The following CHST9 variants were observed in gnomAD, a reference collection of about 807,000 sequenced individuals.
CHST9 encodes the protein carbohydrate sulfotransferase 9, also known as GalNAc-4-sulfotransferase 2.
CHST9 carries 41 observed loss-of-function variants against 44.4 expected under a neutral mutation model. The ratio of observed to expected loss-of-function variants is 0.92; its 90% CI spans 0.72 to 1.20. The LOEUF is 1.20. Ranked by LOEUF, CHST9 falls within the 50% of genes most tolerant of loss-of-function variation. The pLI is 0.00. For missense variants in CHST9, 504 were observed against 516.5 expected (o/e 0.98, Z 0.23); for synonymous variants, 171 against 178.4 (o/e 0.96, Z 0.33).
At chr18:26,959,766 G>T (rs1342115493) in intron 4 of CHST9, among the ~76,000 whole-genome samples, 3 of 152,264 alleles carry the variant, frequency 2.0e-5, no homozygotes, top group South Asian at 2.1e-4. Context: ...GATACTTAAA[G>T]AAATATTTTT....
intron 4 of CHST9, among the ~76,000 whole-genome samples, chr18:26,960,172 G>A (rs1034666258): frequency 1.3e-5 from 2 of 152,154 alleles, no homozygotes; most frequent in East Asian, 3.8e-4. Flanking sequence ...ATAGATATCA[G>A]GAAAATACCA....
intron 4 of CHST9, among the ~76,000 whole-genome samples, chr18:26,951,331 A>G (rs1043026254): frequency 1.3e-5 from 2 of 152,214 alleles, no homozygotes; most frequent in African/African-American, 4.8e-5. Context: ...AATCACCCCG[A>G]ACTGATTAAA....
At chr18:27,088,389 C>CTTTTT (rs35189657) in intron 2 of CHST9, among the ~76,000 whole-genome samples, 1 of 137,492 alleles carries the variant, frequency 7.3e-6, no homozygotes, top group Admixed American at 7.4e-5. Context: ...ATTATTAACA[C>CTTTTT]TTTTTTTTTT....
At chr18:27,004,209 C>T (rs1402142308) in intron 4 of CHST9, among the ~76,000 whole-genome samples, 2 of 151,636 alleles carry the variant, frequency 1.3e-5, no homozygotes, top group African/African-American at 2.4e-5. Flanking sequence ...CAAATTACTG[C>T]GAGCAACAGA....
intron 4 of CHST9, among the ~76,000 whole-genome samples, chr18:26,970,610 T>C (rs949880723): frequency 9.2e-5 from 14 of 152,256 alleles, no homozygotes; most frequent in Admixed American, 8.5e-4. Context: ...GTATTTTTTG[T>C]AGAGATGGGG....
At chr18:27,145,496 C>T (rs11661998) in intron 1 of CHST9, among the ~76,000 whole-genome samples, 64,378 of 152,060 alleles carry the variant, frequency 0.42, 14,039 homozygotes, top group East Asian at 0.64. Context: ...AATAGTTATT[C>T]TTCTTTATAT....
chr18:27,081,933 A>C (rs756152969), intron 2 of CHST9, among the ~76,000 whole-genome samples: 2 of 152,172 alleles, frequency 1.3e-5, no homozygotes. Context: ...CTTAATTAAA[A>C]ATATAAACCC....
chr18:27,057,698 G>A (rs527802016), intron 2 of CHST9, among the ~76,000 whole-genome samples: 8 of 152,300 alleles, frequency 5.3e-5, no homozygotes, highest in Admixed American at 1.3e-4. Context: ...GGGCTTCTGA[G>A]GTCGGCCATC....
intron 4 of CHST9, among the ~76,000 whole-genome samples, chr18:26,975,003 G>C (rs2056599782): frequency 6.6e-6 from 1 of 152,194 alleles, no homozygotes; most frequent in Non-Finnish European, 1.5e-5. Context: ...TTTCACAAAT[G>C]AGGAAAGAGA....
chr18:27,177,217 C>T (rs2058875239), intron 1 of CHST9, among the ~76,000 whole-genome samples: 3 of 151,672 alleles, frequency 2.0e-5, no homozygotes, highest in African/African-American at 7.3e-5. Flanking sequence ...CTTGAGAAAT[C>T]GATCTTTTGG....
At chr18:27,127,213 G>A (rs533787679) in intron 2 of CHST9, among the ~76,000 whole-genome samples, 1 of 152,242 alleles carries the variant, frequency 6.6e-6, no homozygotes, top group East Asian at 1.9e-4. Flanking sequence ...TCCAAGTAGA[G>A]TGAGATGAAA....
intron 4 of CHST9, among the ~76,000 whole-genome samples, chr18:26,980,209 G>A (rs2056675050): frequency 6.6e-6 from 1 of 152,050 alleles, no homozygotes; most frequent in African/African-American, 2.4e-5. Flanking sequence ...TTTTGTTATG[G>A]TTATATATTT....
Position 27,163,174 on chromosome 18 carries a change from G to T in CHST9, c.-96-20269C>A, listed in dbSNP as rs556253445. ...TTGCTGCCTGATCGTTCCTCTGGAA[G>T]TTTTGTCTCAGAGGAGTACCTGGCC... On this transcript the variant is annotated intron_variant, in intron 1 of 5. Transcript: ENST00000618847. Among the ~76,000 whole-genome samples the T allele has an allele frequency of 5.8e-3, 889 of 152,294 alleles. 10 individuals carry two copies. The highest frequency in any genetic ancestry group is 6.9e-3 in the Non-Finnish European group (467 of 68,022).
In CHST9 at chr18:27,025,463, A is replaced by T. The variant is rs571811679; in HGVS notation, c.161-1306T>A. Among the ~76,000 whole-genome samples the T allele has an allele frequency of 8.5e-5, 13 of 152,168 alleles. No homozygotes were observed. In the East Asian group the frequency reaches 2.5e-3, roughly 29 times the overall value. On this transcript the variant is annotated intron_variant, in intron 3 of 5. Transcript: ENST00000618847. ...GTACTTGTCTTTTAAGTTATTTTTT[A>T]GCAAATTTCACGTGTGCCAAAAAAT...
At chr18:26,963,534 T>G (rs1398213762) in intron 4 of CHST9, among the ~76,000 whole-genome samples, 1 of 150,566 alleles carries the variant, frequency 6.6e-6, no homozygotes, top group Non-Finnish European at 1.5e-5. Flanking sequence ...CCTAGGGTGC[T>G]GGGCAGCGCA....
chr18:26,963,706 G>C (rs969805316), intron 4 of CHST9, among the ~76,000 whole-genome samples: 3 of 152,128 alleles, frequency 2.0e-5, no homozygotes, highest in Non-Finnish European at 4.4e-5. Context: ...GTGAGACTGG[G>C]TTCCAGGACT....
chr18:27,105,685 C>T (rs1164487368), intron 2 of CHST9, among the ~76,000 whole-genome samples: 3 of 152,110 alleles, frequency 2.0e-5, no homozygotes, highest in Non-Finnish European at 4.4e-5. Flanking sequence ...TTGGCTATTG[C>T]TTTTACTATT....
intron 2 of CHST9, among the ~76,000 whole-genome samples, chr18:27,050,984 G>C (rs938798294): frequency 5.3e-5 from 8 of 152,170 alleles, no homozygotes; most frequent in African/African-American, 9.7e-5. Context: ...AGTGATCAAG[G>C]TATCCCAAAT....
At chr18:26,950,797 C>A (rs2056235862) in intron 4 of CHST9, among the ~76,000 whole-genome samples, 1 of 152,024 alleles carries the variant, frequency 6.6e-6, no homozygotes, top group Admixed American at 6.6e-5. Context: ...ATGAGTGCAC[C>A]AAAATCTCAG....
Sources: gnomAD v4.1 joint callset for allele counts (sites outside exome capture counted in the v4.1 genomes callset) on GRCh38, gnomAD v4.1.1 for gene constraint, MANE v1.5 for transcripts, NCBI Gene and HGNC (gene_info 2026-07-23, HGNC 2026-07-21) for gene names.